The following CEP250 variants were observed in gnomAD, a reference collection of about 807,000 sequenced individuals.
CEP250 encodes centrosome-associated protein CEP250.
Under a neutral mutation model 315.7 loss-of-function variants are expected in CEP250, and 242 were observed. That is an observed-to-expected ratio of 0.77 (90% CI 0.69 to 0.85). The LOEUF (loss-of-function observed/expected upper bound fraction) is 0.85, where lower values mean the gene tolerates loss of function less well. Ranked by LOEUF, CEP250 falls within the 40% of genes least tolerant of loss-of-function variation. The probability of loss-of-function intolerance (pLI) is 0.00; values close to 1 mark genes in which losing one functional copy is unlikely to be tolerated. For missense variants in CEP250, 2,515 were observed against 2,886.4 expected, an observed-to-expected ratio of 0.87 and a Z score of 2.95; for synonymous variants, 1,088 against 1,175.0, an observed-to-expected ratio of 0.93 and a Z score of 1.51.
rs74713726 is a variant in CEP250 at position 35,512,278 on chromosome 20, A to G, written c.*652A>G. 3,398 of 155,154 alleles carry G rather than the reference A, an allele frequency of 0.022. 143 individuals carry two copies. The highest frequency in any genetic ancestry group is 0.077 in the African/African-American group (3,200 of 41,606). 9.6% of individuals were successfully genotyped at this position (155,154 alleles called of 1,614,324 possible). A position where few individuals can be genotyped will look rare whatever the true frequency, so the allele number is the denominator to read the frequency against. On this transcript the variant is annotated 3_prime_UTR_variant, in exon 35 of 35. Coordinates refer to ENST00000397527, the MANE Select transcript of CEP250 (RefSeq NM_007186.6). ...AGGGAGGCACGAACTGGCCCTTGAA[A>G]GATGGAGTGGGGTTGGAGGTGTTGC...
chr20:35,490,627 A>ACT lies in CEP250; in HGVS notation c.2587-10_2587-9insCT. On this transcript the variant is annotated splice_polypyrimidine_tract_variant and intron_variant, in intron 20 of 34. Coordinates refer to ENST00000397527, the MANE Select transcript of CEP250 (RefSeq NM_007186.6). ...ATTTGGTTCTAATGGTGTTTCCTTC[A>ACT]TGTGGCCAGGAGAAGGAGCGCTCCT... 1 of 1,609,776 alleles carries ACT rather than the reference A, an allele frequency of 6.2e-7. No individual in the cohort carries two copies. The highest frequency in any genetic ancestry group is 8.5e-7 in the Non-Finnish European group (1 of 1,178,914).
chr20:35,477,495 A>G (rs2063207166), intron 16 of CEP250, among the ~76,000 whole-genome samples: 1 of 152,212 alleles, frequency 6.6e-6, no homozygotes, highest in East Asian at 1.9e-4. Flanking sequence ...GATAATAGCA[A>G]TCACCAGAAA....
In CEP250 at chr20:35,478,013, A is replaced by G. The variant is rs143077635; in HGVS notation, c.2006A>G (p.Gln669Arg). The G allele has an allele frequency of 2.5e-6, 4 of 1,614,070 alleles. No homozygotes were observed. The highest frequency in any genetic ancestry group is 3.4e-6 in the Non-Finnish European group (4 of 1,179,980). ...AACACTCACCTGGAGGCTCAGCTGC[A>G]GAAAGCTGAGGAGGCTGGGGCTGAG... ...EKNTHLEAQL[Q>R]KAEEAGAELQ... The change falls in exon 17 of 35, where the codon CAG (glutamine) becomes CGG (arginine). Residue 669 changes from glutamine to arginine, a missense_variant. Physicochemically the swap from Gln to Arg is conservative, Grantham distance 43. Coordinates refer to ENST00000397527, the MANE Select transcript of CEP250 (RefSeq NM_007186.6).
At chr20:35,494,199 C>G (rs967888061) in intron 23 of CEP250, among the ~76,000 whole-genome samples, 1 of 150,726 alleles carries the variant, frequency 6.6e-6, no homozygotes, top group African/African-American at 2.4e-5. Context: ...ATCTCGAACT[C>G]CTGGTCTCAA....
At chr20:35,487,234 G>A (rs1194201077) in intron 20 of CEP250, among the ~76,000 whole-genome samples, 6 of 151,682 alleles carry the variant, frequency 4.0e-5, no homozygotes, top group African/African-American at 1.2e-4. Context: ...TTGGGAGGCC[G>A]AGGTGGGCGG....
chr20:35,504,430 A>T lies in CEP250; in HGVS notation c.6061A>T (p.Ile2021Leu). ...HSRQLEEALR[I>L]QEGEIQDQDL... ...TCGGCAGCTGGAGGAGGCTCTGAGG[A>T]TACAAGAAGGTGAGATCCAGGACCA... The change falls in exon 30 of 35, where the codon ATA becomes TTA. Residue 2021 changes from isoleucine (I) to leucine (L), a missense_variant. Coordinates refer to ENST00000397527, the MANE Select transcript of CEP250 (RefSeq NM_007186.6). The T allele has an allele frequency of 6.2e-7, 1 of 1,610,336 alleles. No homozygotes were observed. Among genetic ancestry groups the T allele is most frequent in the Non-Finnish European group, 8.5e-7 (1 of 1,178,338 alleles).
At chr20:35,500,022 C>G (rs374656885) in intron 27 of CEP250, 27 bp from the exon 28 acceptor site, 2 of 1,613,486 alleles carry the variant, frequency 1.2e-6, no homozygotes, top group African/African-American at 1.3e-5. Flanking sequence ...GAGGAACTCA[C>G]GTTTAGCCAT....
intron 30 of CEP250, among the ~76,000 whole-genome samples, chr20:35,506,682 T>C (rs2064193618): frequency 6.6e-6 from 1 of 152,150 alleles, no homozygotes; most frequent in South Asian, 2.1e-4. Flanking sequence ...GGTCCATCTG[T>C]GAACTCCAAA....
chr20:35,466,244 T>C (rs1379609495), intron 7 of CEP250, 40 bp downstream of exon 7: 1 of 1,550,660 alleles, frequency 6.4e-7, no homozygotes, highest in East Asian at 2.4e-5. Context: ...AGGAAGCCTG[T>C]GTATTCTGGA....
Position 35,511,617 on chromosome 20 carries a change from C to T in CEP250, c.7320C>T (p.Ala2440=), listed in dbSNP as rs2147242305. The T allele has an allele frequency of 2.5e-6, 4 of 1,608,428 alleles. No individual in the cohort carries two copies. In the South Asian group the frequency reaches 4.4e-5, roughly 18 times the overall value. Reference sequence around the variant, plus strand: ...CCAGCCCCAGCACTACCCAAGCCGCCTCCAGGTAGCAGCCACAGCCAGGAG... The same window carrying T: ...CCAGCCCCAGCACTACCCAAGCCGCTTCCAGGTAGCAGCCACAGCCAGGAG... ...LHPSPSTTQA[A]SR is the part of the protein sequence containing the mutation. The change falls in exon 35 of 35, where the codon GCC becomes GCT. Residue 2440 remains alanine (A), a synonymous_variant. Coordinates refer to ENST00000397527, the MANE Select transcript of CEP250 (RefSeq NM_007186.6).
intron 34 of CEP250, 22 bp from the exon 35 acceptor site, chr20:35,511,336 CTTTTT>C: frequency 4.5e-6 from 5 of 1,101,470 alleles, no homozygotes; most frequent in Non-Finnish European, 3.8e-6. Context: ...GCTGCTCTCG[CTTTTT>C]TTTTTTTTTC....
intron 10 of CEP250, chr20:35,470,221 T>A: frequency 1.7e-6 from 1 of 576,208 alleles, no homozygotes; most frequent in Non-Finnish European, 3.1e-6. Flanking sequence ...CAATGGCATA[T>A]GTATGCAGTG....
In CEP250 at chr20:35,517,194, C is replaced by G. The variant is rs894420637; in HGVS notation, c.*5568C>G. On this transcript the variant is annotated 3_prime_UTR_variant, in exon 35 of 35. Transcript: ENST00000397527. ...GCCCTGCTAAAGGCTGGGCTGAAAG[C>G]TAAGAGGAGAGGTGGCATTCAATGT... 5.5e-6 allele frequency: 1 copy of G among 182,678 alleles called. No homozygotes were observed. Among genetic ancestry groups the G allele is most frequent in the Non-Finnish European group, 1.0e-5 (1 of 95,960 alleles). 11.3% of individuals were successfully genotyped at this position (182,678 alleles called of 1,614,324 possible). A position where few individuals can be genotyped will look rare whatever the true frequency, so the allele number is the denominator to read the frequency against.
At chr20:35,479,887 T>C (rs1172448900) in intron 19 of CEP250, 89 bp from the exon 20 acceptor site, 2 of 1,592,172 alleles carry the variant, frequency 1.3e-6, no homozygotes, top group Middle Eastern at 1.7e-4. Flanking sequence ...GCCTCTGAGA[T>C]GGGAGTTGCT....
intron 20 of CEP250, among the ~76,000 whole-genome samples, chr20:35,486,293 A>G (rs918958738): frequency 2.1e-5 from 3 of 145,392 alleles, no homozygotes; most frequent in Non-Finnish European, 2.9e-5. Flanking sequence ...CAGTTGTACA[A>G]CTGCACTGTA....
chr20:35,500,703 G>A (rs1226688864), intron 28 of CEP250, among the ~76,000 whole-genome samples: 2 of 152,224 alleles, frequency 1.3e-5, no homozygotes, highest in Non-Finnish European at 2.9e-5. Context: ...GAGCCACTGC[G>A]CCCAGCTGCA....
chr20:35,457,134 AT>A (rs1414124062), intron 1 of CEP250, among the ~76,000 whole-genome samples: 2 of 152,114 alleles, frequency 1.3e-5, no homozygotes, highest in African/African-American at 4.8e-5. Flanking sequence ...TTGCAAGACC[AT>A]TGGTGATAAT....
At position 35,491,232 on chromosome 20, in the gene CEP250, GGA is replaced by G; in HGVS notation, c.2781_2782del (p.Arg927SerfsTer63). The G allele has an allele frequency of 1.2e-6, 2 of 1,611,578 alleles. No homozygotes were observed. The highest frequency in any genetic ancestry group is 1.7e-6 in the Non-Finnish European group (2 of 1,178,964). On this transcript the variant is annotated frameshift_variant, in exon 22 of 35. Transcript: ENST00000397527. LOFTEE classifies it high-confidence loss of function. Reference protein sequence around the residue: ...LCQMQLETEKERVSLLETLLQ... With the variant: ...LCQMQLETEKXRVSLLETLLQ... The stretch of plus-strand genomic sequence containing the variant: ...CACAGATGCAGCTGGAAACAGAGAA[GGA>G]GAGAGTATCCCTCCTGGAGACACTG...
chr20:35,479,567 T>C (rs2063281019), intron 18 of CEP250, 79 bp from the exon 19 acceptor site: 18 of 1,569,624 alleles, frequency 1.1e-5, no homozygotes, highest in East Asian at 2.3e-5. Context: ...AGGTAGCCAA[T>C]ACTTAGAACC....
Sources: allele counts gnomAD v4.1 joint callset (sites outside exome capture counted in the v4.1 genomes callset), GRCh38; gene constraint gnomAD v4.1.1; transcripts MANE v1.5; gene names NCBI Gene and HGNC (gene_info 2026-07-23, HGNC 2026-07-21).